Variants in IQCM observed in about 807,000 individuals in gnomAD.
IQCM encodes the protein IQ motif containing M, also known as IQ domain-containing protein M.
IQCM carries 45 observed loss-of-function variants against 57.6 expected under a neutral mutation model. The ratio of observed to expected loss-of-function variants is 0.78; its 90% confidence interval spans 0.62 to 1.00. IQCM has a LOEUF of 1.00. Ranked by LOEUF, IQCM falls within the 50% of genes least tolerant of loss-of-function variation. The probability of loss-of-function intolerance (pLI) is 0.00; values close to 1 mark genes in which losing one functional copy is unlikely to be tolerated. For missense variants in IQCM, 468 were observed against 511.6 expected (o/e 0.91, Z 0.82); for synonymous variants, 148 against 158.9 (o/e 0.93, Z 0.51).
At chr4:149,500,344 T>A (rs1413448022) in intron 12 of IQCM, among the ~76,000 whole-genome samples, 1 of 152,180 alleles carries the variant, frequency 6.6e-6, no homozygotes, top group Non-Finnish European at 1.5e-5. Context: ...TTAAATAATA[T>A]AAACCTTCTT....
intron 12 of IQCM, among the ~76,000 whole-genome samples, chr4:149,448,488 C>A (rs1736746834): frequency 1.3e-5 from 2 of 150,440 alleles, no homozygotes; most frequent in Admixed American, 1.3e-4. Context: ...TAAAATAAAG[C>A]AAAAAATACA....
chr4:149,709,722 T>C (rs1384182943), intron 5 of IQCM, among the ~76,000 whole-genome samples: 1 of 152,112 alleles, frequency 6.6e-6, no homozygotes, highest in African/African-American at 2.4e-5. Context: ...GCACATTTAA[T>C]TAGATTCCCA....
intron 3 of IQCM, among the ~76,000 whole-genome samples, chr4:149,740,188 T>C (rs1767325900): frequency 6.6e-6 from 1 of 152,196 alleles, no homozygotes; most frequent in South Asian, 2.1e-4. Flanking sequence ...AAAGATAATC[T>C]TAAGCAAAGA....
intron 10 of IQCM, 112 bp from the exon 11 acceptor site, chr4:149,553,399 T>A (rs1282914234): frequency 5.8e-6 from 5 of 858,462 alleles, no homozygotes; most frequent in Non-Finnish European, 7.7e-6. Context: ...GTGTATTTAT[T>A]GTTTATTGCC....
At chr4:149,457,695 G>A (rs777707043) in intron 12 of IQCM, among the ~76,000 whole-genome samples, 6 of 151,936 alleles carry the variant, frequency 3.9e-5, no homozygotes, top group African/African-American at 7.2e-5. Context: ...AAAGAGACTG[G>A]AACAAAGGGT....
chr4:149,388,674 T>C (rs1731621124), intron 13 of IQCM, among the ~76,000 whole-genome samples: 1 of 143,572 alleles, frequency 7.0e-6, no homozygotes. Context: ...TATACATATA[T>C]ATAGGCAAAG....
intron 7 of IQCM, among the ~76,000 whole-genome samples, chr4:149,681,687 A>G (rs1003145277): frequency 4.0e-5 from 6 of 151,142 alleles, no homozygotes; most frequent in Non-Finnish European, 7.4e-5. Context: ...CGGGAAAACT[A>G]AAAAATAGTT....
intron 12 of IQCM, among the ~76,000 whole-genome samples, chr4:149,520,593 T>A (rs904664315): frequency 6.6e-6 from 1 of 152,128 alleles, no homozygotes; most frequent in African/African-American, 2.4e-5. Flanking sequence ...AAAGTTAAAA[T>A]GTACCATCTC....
intron 10 of IQCM, among the ~76,000 whole-genome samples, chr4:149,563,320 T>C (rs1477323699): frequency 6.6e-6 from 1 of 152,176 alleles, no homozygotes; most frequent in African/African-American, 2.4e-5. Flanking sequence ...GGTCCCAGAA[T>C]TGCTAAGTTA....
At chr4:149,400,941 G>A (rs1018815801) in intron 13 of IQCM, among the ~76,000 whole-genome samples, 1 of 151,768 alleles carries the variant, frequency 6.6e-6, no homozygotes, top group African/African-American at 2.4e-5. Context: ...ATATGCTATT[G>A]CTGTATACTT....
chr4:149,578,900 T>A (rs886986352), intron 9 of IQCM, among the ~76,000 whole-genome samples: 2 of 151,852 alleles, frequency 1.3e-5, no homozygotes, highest in Non-Finnish European at 2.9e-5. Context: ...GAGAGTAACC[T>A]GGATTAGAGA....
At chr4:149,525,906 TA>T (rs1324409050) in intron 12 of IQCM, among the ~76,000 whole-genome samples, 3 of 151,136 alleles carry the variant, frequency 2.0e-5, no homozygotes, top group African/African-American at 7.3e-5. Context: ...AAAAGACAAA[TA>T]AAAAATTAAA....
intron 2 of IQCM, among the ~76,000 whole-genome samples, chr4:149,812,787 T>C (rs1215783655): frequency 6.6e-6 from 1 of 152,172 alleles, no homozygotes; most frequent in Non-Finnish European, 1.5e-5. Context: ...TCAGTTTCAC[T>C]GACATAAATT....
At chr4:149,356,684 C>T (rs1333125992) in intron 13 of IQCM, among the ~76,000 whole-genome samples, 2 of 152,166 alleles carry the variant, frequency 1.3e-5, no homozygotes, top group African/African-American at 4.8e-5. Context: ...AGCATGATGC[C>T]TCCAGCTTTG....
chr4:149,431,456 T>C (rs555034883), intron 13 of IQCM, among the ~76,000 whole-genome samples: 2 of 152,128 alleles, frequency 1.3e-5, no homozygotes, highest in East Asian at 1.9e-4. Flanking sequence ...TGGCCATTTA[T>C]ATAAATGCTT....
At chr4:149,426,428 T>G (rs1184271106) in intron 13 of IQCM, among the ~76,000 whole-genome samples, 1 of 152,022 alleles carries the variant, frequency 6.6e-6, no homozygotes, top group Admixed American at 6.6e-5. Context: ...ATACTAGTTA[T>G]CTACTGCTGT....
chr4:149,715,805 C>T (rs1377779823), intron 5 of IQCM, among the ~76,000 whole-genome samples: 3 of 152,198 alleles, frequency 2.0e-5, no homozygotes, highest in Admixed American at 1.3e-4. Flanking sequence ...CTCTCAGCTC[C>T]GCAGATTCCT....
intron 8 of IQCM, among the ~76,000 whole-genome samples, chr4:149,594,945 G>A (rs1382499353): frequency 3.9e-5 from 6 of 152,118 alleles, no homozygotes; most frequent in Admixed American, 1.3e-4. Context: ...GATTTGGGGT[G>A]GAGAGTTCTG....
intron 7 of IQCM, among the ~76,000 whole-genome samples, chr4:149,668,074 G>A (rs1014028748): frequency 3.9e-5 from 6 of 152,002 alleles, no homozygotes; most frequent in African/African-American, 9.7e-5. Flanking sequence ...GAAATACAGA[G>A]AACACCACAA....
Sources: allele counts gnomAD v4.1 joint callset (sites outside exome capture counted in the v4.1 genomes callset), GRCh38; gene constraint gnomAD v4.1.1; transcripts MANE v1.5; gene names NCBI Gene and HGNC (gene_info 2026-07-23, HGNC 2026-07-21).